The following EPHA5 variants were observed in gnomAD, a reference collection of about 807,000 sequenced individuals.
The protein encoded by EPHA5 is ephrin type-A receptor 5.
Under a neutral mutation model 105.0 loss-of-function variants are expected in EPHA5, and 60 were observed. That is an observed-to-expected ratio of 0.57 (90% CI 0.46 to 0.71). EPHA5 has a LOEUF of 0.71. EPHA5 is among the 30% of genes least tolerant of loss of function. EPHA5 has a pLI of 0.00. For missense variants in EPHA5, 1,218 were observed against 1,274.7 expected (o/e 0.96, Z 0.68); for synonymous variants, 513 against 449.1 (o/e 1.14, Z -1.80).
intron 2 of EPHA5, among the ~76,000 whole-genome samples, chr4:65,603,920 T>C (rs1185790503): frequency 6.6e-6 from 1 of 152,116 alleles, no homozygotes; most frequent in Non-Finnish European, 1.5e-5. Flanking sequence ...CTTTATATTA[T>C]AAATGGCACC....
At chr4:65,404,766 C>T (rs1175881739) in intron 7 of EPHA5, among the ~76,000 whole-genome samples, 1 of 152,000 alleles carries the variant, frequency 6.6e-6, no homozygotes, top group Non-Finnish European at 1.5e-5. Flanking sequence ...CATCTAGGGG[C>T]CTTAGGTCTG....
rs889883964 is a variant in EPHA5, at chr4:65,347,177, C to T, written c.2595+877G>A. The stretch of plus-strand genomic sequence containing the variant: ...TGGAGCATGGATGACAGAAATAATG[C>T]GAGTGAAAAAGTGTTTCAAATAAGC... On this transcript the variant is annotated intron_variant, in intron 14 of 16. Coordinates refer to ENST00000613740, the MANE Select transcript of EPHA5 (RefSeq NM_001281766.3). Among the ~76,000 whole-genome samples, 14 of 12,804 alleles carry T rather than the reference C, an allele frequency of 1.1e-3. No individual in the cohort carries two copies. The Non-Finnish European group carries it at 0.017, about 16-fold the overall frequency. 8.4% of individuals were successfully genotyped at this position (12,804 alleles called of 152,430 possible).
chr4:65,608,041 A>G (rs1744405743), intron 2 of EPHA5, among the ~76,000 whole-genome samples: 1 of 152,176 alleles, frequency 6.6e-6, no homozygotes, highest in East Asian at 1.9e-4. Flanking sequence ...AGGGACGTGG[A>G]TGAAGCCAGG....
chr4:65,644,663 G>T (rs537360172), intron 1 of EPHA5, among the ~76,000 whole-genome samples: 2 of 152,084 alleles, frequency 1.3e-5, no homozygotes, highest in South Asian at 4.1e-4. Context: ...ACATCTTAGA[G>T]AAATTATGTA....
intron 3 of EPHA5, among the ~76,000 whole-genome samples, chr4:65,560,771 G>A (rs758544018): frequency 1.1e-4 from 17 of 151,936 alleles, no homozygotes; most frequent in Non-Finnish European, 2.5e-4. Context: ...CATAATTCCT[G>A]CCTGTTAAAT....
At chr4:65,545,624 G>T (rs1400896657) in intron 3 of EPHA5, among the ~76,000 whole-genome samples, 1 of 151,824 alleles carries the variant, frequency 6.6e-6, no homozygotes, top group Non-Finnish European at 1.5e-5. Flanking sequence ...AGAATTCAAG[G>T]CTCAGCCTAA....
Position 65,475,773 on chromosome 4 carries a change from G to A in EPHA5, c.1402+14604C>T, listed in dbSNP as rs1331487569. Reference sequence around the variant, plus strand: ...TCTCAGTTAATAGATTGTTGACCACGTTTACATTGAATAGCAAATCTGTTT... The same window carrying A: ...TCTCAGTTAATAGATTGTTGACCACATTTACATTGAATAGCAAATCTGTTT... On this transcript the variant is annotated intron_variant, in intron 5 of 16. Coordinates refer to ENST00000613740, the MANE Select transcript of EPHA5 (RefSeq NM_001281766.3). Among the ~76,000 whole-genome samples the A allele has an allele frequency of 4.6e-5, 7 of 152,096 alleles. No individual in the cohort carries two copies. The East Asian group carries it at 5.8e-4, about 13-fold the overall frequency.
intron 3 of EPHA5, among the ~76,000 whole-genome samples, chr4:65,503,698 C>T (rs1732717088): frequency 6.6e-6 from 1 of 151,576 alleles, no homozygotes; most frequent in Non-Finnish European, 1.5e-5. Flanking sequence ...GAATTTCCTG[C>T]CATGAACTGT....
At chr4:65,663,829 A>G (rs180827280) in intron 1 of EPHA5, among the ~76,000 whole-genome samples, 124 of 152,122 alleles carry the variant, frequency 8.2e-4, no homozygotes, top group Non-Finnish European at 1.3e-3. Context: ...GCAAATTCCA[A>G]TAAAGTCTTA....
rs1026301243 is a variant in EPHA5 at position 65,320,418 on chromosome 4, A to G, written c.*3696T>C. The G allele has an allele frequency of 4.3e-6, 1 of 230,052 alleles. No individual in the cohort carries two copies. The highest frequency in any genetic ancestry group is 8.6e-6 in the Non-Finnish European group (1 of 116,080). 14.3% of individuals were successfully genotyped at this position (230,052 alleles called of 1,614,324 possible). On this transcript the variant is annotated 3_prime_UTR_variant, in exon 17 of 17. Coordinates refer to ENST00000613740, the MANE Select transcript of EPHA5 (RefSeq NM_001281766.3). ...GTTAAACATCTGGCAGGACATTAGC[A>G]AAGACAGTTTACTATCACACTTCTT... is the stretch of plus-strand genomic sequence containing the variant.
At position 65,663,019 on chromosome 4, in the gene EPHA5, T is replaced by C. The variant is rs370208935; in HGVS notation, c.181+6543A>G. ...ACTTTTGTTTGACAAAGTTTTGTTA[T>C]GCTCACCTATAGTATAACTAATAAT... On this transcript the variant is annotated intron_variant, in intron 1 of 16. Coordinates refer to ENST00000613740, the MANE Select transcript of EPHA5 (RefSeq NM_001281766.3). Among the ~76,000 whole-genome samples the C allele has an allele frequency of 4.9e-4, 75 of 152,278 alleles. No individual in the cohort carries two copies. In the East Asian group the frequency reaches 9.3e-3, roughly 19 times the overall value.
intron 3 of EPHA5, among the ~76,000 whole-genome samples, chr4:65,499,167 C>G (rs1028747433): frequency 7.9e-5 from 12 of 151,628 alleles, no homozygotes; most frequent in African/African-American, 2.9e-4. Context: ...AGGAAACTTT[C>G]TCATTTTCCT....
intron 3 of EPHA5, among the ~76,000 whole-genome samples, chr4:65,576,012 A>G (rs1452744684): frequency 0.012 from 1,128 of 94,258 alleles, 32 homozygotes; most frequent in African/African-American, 0.042. Flanking sequence ...GAAAGAAAGA[A>G]AGAAAGAAAG....
At chr4:65,657,361 T>C (rs990746085) in intron 1 of EPHA5, among the ~76,000 whole-genome samples, 3 of 152,176 alleles carry the variant, frequency 2.0e-5, no homozygotes, top group African/African-American at 4.8e-5. Flanking sequence ...TCAAGTGATA[T>C]GAATTCTGAG....
At chr4:65,664,406 A>G (rs373006816) in intron 1 of EPHA5, among the ~76,000 whole-genome samples, 7 of 151,922 alleles carry the variant, frequency 4.6e-5, no homozygotes, top group Non-Finnish European at 1.0e-4. Flanking sequence ...AAAGATAGGT[A>G]CTAATAATTT....
intron 6 of EPHA5, among the ~76,000 whole-genome samples, chr4:65,418,396 T>A (rs1328642106): frequency 6.6e-6 from 1 of 152,176 alleles, no homozygotes; most frequent in African/African-American, 2.4e-5. Flanking sequence ...GGAACAGTAA[T>A]CAGTGAGAAA....
At chr4:65,659,270 G>A (rs1257239901) in intron 1 of EPHA5, among the ~76,000 whole-genome samples, 1 of 130,404 alleles carries the variant, frequency 7.7e-6, no homozygotes, top group African/African-American at 2.7e-5. Flanking sequence ...TAGAGTGTCT[G>A]GTCTGGGCTA....
rs1237632240 is a variant in EPHA5, at chr4:65,351,422, C to T, written c.2412G>A (p.Leu804=). 1 of 1,613,572 alleles carries T rather than the reference C, an allele frequency of 6.2e-7. No individual in the cohort carries two copies. The highest frequency in any genetic ancestry group is 8.5e-7 in the Non-Finnish European group (1 of 1,179,782). Residue 804 remains leucine, a synonymous_variant, in exon 13 of 17, where the codon CTG becomes CTA. Coordinates refer to ENST00000613740, the MANE Select transcript of EPHA5 (RefSeq NM_001281766.3). ...KVSDFGLSRV[L]EDDPEAAYTT... ...TGTAGGCTGCCTCGGGATCATCTTC[C>T]AGTACCCGGGAAAGTCCAAAGTCAG...
At chr4:65,572,098 T>A (rs1478823634) in intron 3 of EPHA5, among the ~76,000 whole-genome samples, 1 of 152,102 alleles carries the variant, frequency 6.6e-6, no homozygotes, top group East Asian at 1.9e-4. Flanking sequence ...CTATTCTTTT[T>A]CTAGTTTTAC....
Sources: allele counts gnomAD v4.1 joint callset (sites outside exome capture counted in the v4.1 genomes callset), GRCh38; gene constraint gnomAD v4.1.1; transcripts MANE v1.5; gene names NCBI Gene and HGNC (gene_info 2026-07-23, HGNC 2026-07-21).